Variants in SLC4A10 observed in about 807,000 individuals in gnomAD.
SLC4A10 encodes sodium-driven chloride bicarbonate exchanger.
Under a neutral mutation model 137.7 loss-of-function variants are expected in SLC4A10, and 42 were observed. That is an observed-to-expected ratio of 0.30 (90% CI 0.24 to 0.39). SLC4A10 has a LOEUF of 0.39. SLC4A10 is among the 10% of genes least tolerant of loss of function. The pLI, the probability that SLC4A10 is intolerant of heterozygous loss-of-function variation, is 1.00. For missense variants in SLC4A10, 925 were observed against 1,355.0 expected (o/e 0.68, Z 4.98); for synonymous variants, 474 against 464.1 (o/e 1.02, Z -0.27).
At chr2:161,955,212 G>A (rs936858916) in intron 19 of SLC4A10, among the ~76,000 whole-genome samples, 1 of 152,134 alleles carries the variant, frequency 6.6e-6, no homozygotes, top group African/African-American at 2.4e-5. Context: ...TTCTCAAACT[G>A]CTTAAGACAT....
intron 8 of SLC4A10, among the ~76,000 whole-genome samples, chr2:161,878,087 A>G (rs952876099): frequency 4.6e-5 from 7 of 152,116 alleles, no homozygotes; most frequent in Non-Finnish European, 1.0e-4. Context: ...TTCTCAAATC[A>G]TTAAACCTGC....
chr2:161,760,335 T>C (rs1045114230), intron 1 of SLC4A10, among the ~76,000 whole-genome samples: 1 of 152,068 alleles, frequency 6.6e-6, no homozygotes, highest in Non-Finnish European at 1.5e-5. Context: ...TTAACTGTTT[T>C]GCCCATCCAT....
chr2:161,900,473 T>C (rs1559493385), intron 11 of SLC4A10, among the ~76,000 whole-genome samples: 3 of 152,050 alleles, frequency 2.0e-5, no homozygotes. Flanking sequence ...CACATCCTGA[T>C]CTCTCTCTTT....
In SLC4A10 at chr2:161,964,169, C is replaced by A. The variant is rs1464645799; in HGVS notation, c.2897C>A (p.Ala966Glu). The change falls in exon 22 of 27, where the codon GCA becomes GAA. Residue 966 changes from alanine to glutamate, a missense_variant. By Grantham distance (107) the Ala-to-Glu change is moderately radical. Coordinates refer to ENST00000446997, the MANE Select transcript of SLC4A10 (RefSeq NM_001178015.2). Reference sequence around the variant, plus strand: ...AGGATAAAGCTCTTCTGGATGCCGGCAAAACATCAACCAGATTTTATATAC... The same window carrying A: ...AGGATAAAGCTCTTCTGGATGCCGGAAAAACATCAACCAGATTTTATATAC... Reference protein sequence around the residue: ...FDRIKLFWMPAKHQPDFIYLR... With the variant: ...FDRIKLFWMPEKHQPDFIYLR... 2 of 1,611,676 alleles carry A rather than the reference C, an allele frequency of 1.2e-6. No homozygotes were observed. Among genetic ancestry groups the A allele is most frequent in the Admixed American group, 1.7e-5 (1 of 59,698 alleles).
intron 1 of SLC4A10, among the ~76,000 whole-genome samples, chr2:161,767,131 A>ATG (rs2050928364): frequency 1.2e-5 from 1 of 85,114 alleles, no homozygotes; most frequent in East Asian, 3.5e-4. Context: ...ATATATATAT[A>ATG]TATATATATG....
intron 1 of SLC4A10, among the ~76,000 whole-genome samples, chr2:161,733,642 T>C (rs756580646): frequency 2.0e-5 from 3 of 152,216 alleles, no homozygotes; most frequent in African/African-American, 4.8e-5. Context: ...AGAGAGCCAC[T>C]ATCCTCCAGA....
chr2:161,640,652 C>CCTTG (rs2035181297), intron 1 of SLC4A10, among the ~76,000 whole-genome samples: 1 of 54,132 alleles, frequency 1.8e-5, no homozygotes, highest in East Asian at 3.4e-4. Context: ...TTCCTTCCTT[C>CCTTG]CTTCCTTCTT....
At chr2:161,695,960 C>A (rs902936689) in intron 1 of SLC4A10, among the ~76,000 whole-genome samples, 1 of 150,840 alleles carries the variant, frequency 6.6e-6, no homozygotes, top group Non-Finnish European at 1.5e-5. Context: ...ATGTGCACAA[C>A]GTGCAGGTTT....
Position 161,862,917 on chromosome 2 carries a change from A to C in SLC4A10, c.621A>C (p.Glu207Asp). The C allele has an allele frequency of 6.2e-7, 1 of 1,611,706 alleles. No homozygotes were observed. The highest frequency in any genetic ancestry group is 8.5e-7 in the Non-Finnish European group (1 of 1,178,702). The change falls in exon 6 of 27, where the codon GAA becomes GAC. Residue 207 changes from glutamate to aspartate, a missense_variant. Coordinates refer to ENST00000446997, the MANE Select transcript of SLC4A10 (RefSeq NM_001178015.2). ...DQQVSSGQLN[E>D]DVRHRVHEAL... ...AAGTGAGCTCAGGTCAGCTGAATGA[A>C]GATGTACGCCATAGGGTCCATGAGG...
At chr2:161,969,568 C>T (rs1402144110) in intron 23 of SLC4A10, among the ~76,000 whole-genome samples, 3 of 152,088 alleles carry the variant, frequency 2.0e-5, no homozygotes, top group Non-Finnish European at 4.4e-5. Context: ...CAGAAAATCC[C>T]AGCAGAATGT....
At position 161,720,049 on chromosome 2, in the gene SLC4A10, T is replaced by C. The variant is rs1159919013; in HGVS notation, c.49-50924T>C. 7.2e-5 allele frequency among the ~76,000 whole-genome samples: 11 copies of C among 152,218 alleles called. No homozygotes were observed. In the East Asian group the frequency reaches 2.1e-3, roughly 29 times the overall value. On this transcript the variant is annotated intron_variant, in intron 1 of 26. Coordinates refer to ENST00000446997, the MANE Select transcript of SLC4A10 (RefSeq NM_001178015.2). ...TTAGGTCTAACATTTAAGTCTTTAATCCATCTTGAATTAATTTTTGTATAA... is the reference window on the plus strand; with the variant it reads ...TTAGGTCTAACATTTAAGTCTTTAACCCATCTTGAATTAATTTTTGTATAA...
chr2:161,859,812 G>A (rs2060328474), intron 5 of SLC4A10, among the ~76,000 whole-genome samples: 2 of 151,928 alleles, frequency 1.3e-5, no homozygotes, highest in African/African-American at 4.8e-5. Context: ...GTGTTAGCCA[G>A]GATGGTCTCT....
chr2:161,642,308 A>AGCTT (rs1328248889), intron 1 of SLC4A10, among the ~76,000 whole-genome samples: 8 of 152,108 alleles, frequency 5.3e-5, no homozygotes, highest in Non-Finnish European at 1.5e-5. Context: ...TGGCATTAGA[A>AGCTT]TCAGCTTTTC....
At chr2:161,947,418 G>A (rs190201556) in intron 16 of SLC4A10, 148 bp from the exon 17 acceptor site, 37 of 762,278 alleles carry the variant, frequency 4.9e-5, no homozygotes, top group African/African-American at 1.8e-4. Flanking sequence ...CTTGAAACTC[G>A]TAATGTAATG....
intron 4 of SLC4A10, among the ~76,000 whole-genome samples, chr2:161,841,623 T>C (rs1288880780): frequency 2.6e-5 from 4 of 152,192 alleles, no homozygotes; most frequent in Admixed American, 2.6e-4. Flanking sequence ...CCCAGTTAAT[T>C]CTTGTTTGAT....
At chr2:161,983,097 G>A (rs914657718) in intron 26 of SLC4A10, 82 bp from the exon 27 acceptor site, 18 of 1,293,298 alleles carry the variant, frequency 1.4e-5, no homozygotes, top group South Asian at 6.6e-5. Context: ...TGGGGTTGAC[G>A]GGTTTTATGT....
At chr2:161,639,085 A>G (rs2034905083) in intron 1 of SLC4A10, among the ~76,000 whole-genome samples, 1 of 152,132 alleles carries the variant, frequency 6.6e-6, no homozygotes, top group South Asian at 2.1e-4. Context: ...ATCATGAAGA[A>G]GTAGACAACC....
At chr2:161,912,313 A>C (rs909231024) in intron 15 of SLC4A10, among the ~76,000 whole-genome samples, 2 of 152,120 alleles carry the variant, frequency 1.3e-5, no homozygotes, top group African/African-American at 4.8e-5. Context: ...AGCAGGTAAC[A>C]GTGGTTTCTT....
At chr2:161,935,714 T>A (rs1691462620) in intron 15 of SLC4A10, among the ~76,000 whole-genome samples, 1 of 152,152 alleles carries the variant, frequency 6.6e-6, no homozygotes, top group South Asian at 2.1e-4. Flanking sequence ...GTGCTACCCA[T>A]TTTTATGTGC....
Sources: gnomAD v4.1 joint callset for allele counts (sites outside exome capture counted in the v4.1 genomes callset) on GRCh38, gnomAD v4.1.1 for gene constraint, MANE v1.5 for transcripts, NCBI Gene and HGNC (gene_info 2026-07-23, HGNC 2026-07-21) for gene names.